The following SHISA6 variants were observed in gnomAD, a reference collection of about 807,000 sequenced individuals.
SHISA6 encodes the protein shisa family member 6, also known as protein shisa-6.
In SHISA6, 22 loss-of-function variants were observed where a neutral mutation model predicts 47.9. That is an observed-to-expected ratio of 0.46 (90% confidence interval 0.33 to 0.66). The LOEUF is 0.66. Among genes scored for constraint, SHISA6 ranks in the 30% least tolerant of loss-of-function variants. SHISA6 has a pLI of 0.02. For missense variants in SHISA6, 680 were observed against 764.6 expected (o/e 0.89, Z 1.30); for synonymous variants, 388 against 337.8 (o/e 1.15, Z -1.63).
chr17:11,434,684 A>T (rs1199069547), intron 3 of SHISA6, among the ~76,000 whole-genome samples: 1 of 152,104 alleles, frequency 6.6e-6, no homozygotes, highest in African/African-American at 2.4e-5. Context: ...TATAAGTTTT[A>T]TGTGTTATTT....
chr17:11,332,361 A>G (rs2142205651), intron 2 of SHISA6, among the ~76,000 whole-genome samples: 1 of 152,180 alleles, frequency 6.6e-6, no homozygotes, highest in Non-Finnish European at 1.5e-5. Context: ...TAGACTGGGG[A>G]CAACTTGCTT....
chr17:11,499,683 C>CTTTTTTTTTTTTTTTTTTTT (rs372464937), intron 3 of SHISA6, among the ~76,000 whole-genome samples: 5 of 127,562 alleles, frequency 3.9e-5, no homozygotes, highest in Admixed American at 7.9e-5. Context: ...CTTTTTCTTT[C>CTTTTTTTTTTTTTTTTTTTT]TTTTTTTTTT....
At chr17:11,546,052 A>G (rs550005359) in intron 3 of SHISA6, among the ~76,000 whole-genome samples, 1 of 152,338 alleles carries the variant, frequency 6.6e-6, no homozygotes, top group Non-Finnish European at 1.5e-5. Context: ...TGGCAAGGTT[A>G]TGGGAGAGCC....
intron 3 of SHISA6, among the ~76,000 whole-genome samples, chr17:11,435,687 C>A (rs1266771924): frequency 3.3e-5 from 5 of 152,096 alleles, no homozygotes; most frequent in African/African-American, 1.2e-4. Flanking sequence ...CTTCGGATGC[C>A]CCAAAGGCTC....
At chr17:11,523,423 G>C (rs150992758) in intron 3 of SHISA6, among the ~76,000 whole-genome samples, 2 of 152,184 alleles carry the variant, frequency 1.3e-5, no homozygotes, top group Non-Finnish European at 2.9e-5. Context: ...GCAGGCAGAT[G>C]TCTCTCTGTG....
chr17:11,337,050 G>A (rs924131755), intron 2 of SHISA6, among the ~76,000 whole-genome samples: 4 of 152,116 alleles, frequency 2.6e-5, no homozygotes, highest in African/African-American at 9.7e-5. Flanking sequence ...TTCTTCTTTG[G>A]CCCCTTTGAT....
At chr17:11,275,720 A>G (rs1325489133) in intron 2 of SHISA6, among the ~76,000 whole-genome samples, 1 of 152,122 alleles carries the variant, frequency 6.6e-6, no homozygotes, top group Non-Finnish European at 1.5e-5. Context: ...ATCTGGAGAA[A>G]GGGTGTTTAG....
chr17:11,346,580 G>A (rs1271164235), intron 2 of SHISA6, among the ~76,000 whole-genome samples: 3 of 152,166 alleles, frequency 2.0e-5, no homozygotes, highest in South Asian at 4.1e-4. Flanking sequence ...AGTCTTTCCT[G>A]AGACAGAATC....
chr17:11,456,621 C>T (rs72807176), intron 3 of SHISA6, among the ~76,000 whole-genome samples: 10,284 of 152,188 alleles, frequency 0.068, 426 homozygotes, highest in Non-Finnish European at 0.093. Context: ...GTTCTTTGAA[C>T]CTCCTAAGTG....
intron 2 of SHISA6, among the ~76,000 whole-genome samples, chr17:11,302,781 G>C (rs538047439): frequency 6.6e-6 from 1 of 152,064 alleles, no homozygotes; most frequent in East Asian, 1.9e-4. Flanking sequence ...AAGGGTTGCA[G>C]CTCTCAGCAA....
intron 2 of SHISA6, among the ~76,000 whole-genome samples, chr17:11,266,241 T>A (rs778194541): frequency 3.9e-5 from 6 of 152,094 alleles, no homozygotes; most frequent in Non-Finnish European, 8.8e-5. Flanking sequence ...TGGTAGTAAG[T>A]TTTTAGGGGG....
At chr17:11,391,773 G>A (rs756276750) in intron 3 of SHISA6, among the ~76,000 whole-genome samples, 37 of 152,078 alleles carry the variant, frequency 2.4e-4, no homozygotes, top group East Asian at 3.9e-4. Context: ...TTTATTGTCC[G>A]ACATTCTGGG....
chr17:11,373,753 T>C (rs554889231), intron 2 of SHISA6, among the ~76,000 whole-genome samples: 9 of 152,376 alleles, frequency 5.9e-5, no homozygotes, highest in Admixed American at 4.6e-4. Flanking sequence ...ATTTCATTTG[T>C]ACTGTATAAG....
chr17:11,354,727 G>A (rs1277497221), intron 2 of SHISA6, among the ~76,000 whole-genome samples: 1 of 152,136 alleles, frequency 6.6e-6, no homozygotes, highest in African/African-American at 2.4e-5. Context: ...TCTGTGCCTT[G>A]TTTGTGGGCA....
chr17:11,263,470 T>G lies in SHISA6; in HGVS notation c.743T>G (p.Val248Gly), dbSNP rs1281487267. The G allele has an allele frequency of 2.6e-6, 4 of 1,551,722 alleles. No individual in the cohort carries two copies. In the Admixed American group the frequency reaches 5.9e-5, roughly 23 times the overall value. Reference sequence around the variant, plus strand: ...ACCTCTCCCAAAGAGAACACGCCGGTCAGATCGTCCTCCAAAAACCACTAC... The same window carrying G: ...ACCTCTCCCAAAGAGAACACGCCGGGCAGATCGTCCTCCAAAAACCACTAC... ...IDTSPKENTP[V>G]RSSSKNHYTP... Residue 248 changes from valine to glycine, a missense_variant, in exon 2 of 6, where the codon GTC becomes GGC. Val to Gly is a moderately radical substitution (Grantham distance 109, BLOSUM62 -3). Coordinates refer to ENST00000441885, the MANE Select transcript of SHISA6 (RefSeq NM_207386.4).
chr17:11,347,142 T>C (rs1911726390), intron 2 of SHISA6, among the ~76,000 whole-genome samples: 1 of 151,430 alleles, frequency 6.6e-6, no homozygotes, highest in South Asian at 2.1e-4. Flanking sequence ...GAAACTTAAC[T>C]GAAGGTAAGA....
intron 3 of SHISA6, among the ~76,000 whole-genome samples, chr17:11,413,575 G>A (rs773415314): frequency 4.6e-5 from 7 of 152,122 alleles, no homozygotes; most frequent in Admixed American, 1.3e-4. Context: ...TCAGCTGGCC[G>A]GTTCTTCTCT....
intron 2 of SHISA6, among the ~76,000 whole-genome samples, chr17:11,376,231 A>G (rs901368351): frequency 5.9e-5 from 9 of 152,024 alleles, no homozygotes; most frequent in African/African-American, 2.2e-4. Flanking sequence ...CATATCATCA[A>G]CCCATTAACT....
Position 11,241,399 on chromosome 17 carries a change from C to T in SHISA6, c.-24C>T, listed in dbSNP as rs1907317021. On this transcript the variant is annotated 5_prime_UTR_variant, in exon 1 of 6. Coordinates refer to ENST00000441885, the MANE Select transcript of SHISA6 (RefSeq NM_207386.4). The surrounding 1 kb of genome is among the most constrained non-coding windows in gnomAD (Gnocchi z 5.5). ...GAGCGGCCTGCCGCGGAAGCCTCCC[C>T]GCGCCCTCCCGCCCGGCCCCGCCAT... 1.8e-6 allele frequency: 2 copies of T among 1,097,332 alleles called. No individual in the cohort carries two copies. The highest frequency in any genetic ancestry group is 2.2e-6 in the Non-Finnish European group (2 of 901,008). 68.0% of individuals were successfully genotyped at this position (1,097,332 alleles called of 1,614,324 possible).
Sources: gnomAD v4.1 joint callset for allele counts (sites outside exome capture counted in the v4.1 genomes callset) on GRCh38, gnomAD v4.1.1 for gene constraint, Gnocchi (gnomAD v3.1) non-coding constraint, MANE v1.5 for transcripts, NCBI Gene and HGNC (gene_info 2026-07-23, HGNC 2026-07-21) for gene names.